The following PIEZO2 variants were observed in gnomAD, a reference collection of about 807,000 sequenced individuals.
PIEZO2 encodes piezo type mechanosensitive ion channel component 2, also known as piezo-type mechanosensitive ion channel component 2.
Under a neutral mutation model 337.3 loss-of-function variants are expected in PIEZO2, and 172 were observed. The observed-to-expected ratio is 0.51, with a 90% CI of 0.45 to 0.58. The LOEUF (loss-of-function observed/expected upper bound fraction) is 0.58, where lower values mean the gene tolerates loss of function less well. PIEZO2 is among the 20% of genes least tolerant of loss of function. The pLI is 0.00. For missense variants in PIEZO2, 3,028 were observed against 3,391.3 expected, an observed-to-expected ratio of 0.89 and a Z score of 2.66; for synonymous variants, 1,251 against 1,228.5, an observed-to-expected ratio of 1.02 and a Z score of -0.38.
In PIEZO2 at chr18:10,824,497, T is replaced by C. The variant is rs2040611491; in HGVS notation, c.918-17223A>G. 6.6e-6 allele frequency among the ~76,000 whole-genome samples: 1 copy of C among 152,222 alleles called. No homozygotes were observed. The highest frequency in any genetic ancestry group is 1.9e-4 in the East Asian group (1 of 5,202). On this transcript the variant is annotated intron_variant, in intron 7 of 55. Transcript: ENST00000674853. This position sits in a 1 kb window ranked among gnomAD's most constrained non-coding sequence, Gnocchi z 4.4. ...AGTGCAAAGCTAATAAAATTTTAAATGAACATGACAGAGAAATTTAGATTT... is the reference window on the plus strand; with the variant it reads ...AGTGCAAAGCTAATAAAATTTTAAACGAACATGACAGAGAAATTTAGATTT...
chr18:10,729,242 A>G (rs1213270044), intron 36 of PIEZO2, among the ~76,000 whole-genome samples: 1 of 152,266 alleles, frequency 6.6e-6, no homozygotes, highest in East Asian at 1.9e-4. Flanking sequence ...CTTTGTAATT[A>G]GAGTTCCATT....
At chr18:11,025,189 C>T (rs892152784) in intron 2 of PIEZO2, among the ~76,000 whole-genome samples, 5 of 152,122 alleles carry the variant, frequency 3.3e-5, no homozygotes, top group Middle Eastern at 6.8e-3. Flanking sequence ...CTTCCTCATC[C>T]GGGAAATGGA....
rs2038194894 is a variant in PIEZO2, at chr18:10,762,852, G to A, written c.3123+70C>T. ...TCAGGCCAAATGTGCTTGGGGATGG[G>A]GGTTCCCCAAGTATCTGCCTTGCTT... is the stretch of plus-strand genomic sequence containing the variant. On this transcript the variant is annotated intron_variant, in intron 22 of 55. Coordinates refer to ENST00000674853, the MANE Select transcript of PIEZO2 (RefSeq NM_001378183.1). The A allele has an allele frequency of 2.7e-6, 4 of 1,473,352 alleles. No individual in the cohort carries two copies. In the Admixed American group the frequency reaches 8.5e-5, roughly 31 times the overall value. The allele number at this position is 1,473,352 out of a possible 1,614,324, so 91.3% of individuals were successfully genotyped here.
intron 41 of PIEZO2, 124 bp from the exon 42 acceptor site, chr18:10,704,776 C>T (rs1189452944): frequency 1.5e-5 from 18 of 1,180,642 alleles, no homozygotes; most frequent in Non-Finnish European, 2.0e-5. Context: ...CCTCCGCCTC[C>T]CGAACTCAAG....
At chr18:10,709,226 G>A (rs4797465) in intron 39 of PIEZO2, 43,971 of 152,042 alleles carry the variant, frequency 0.29, 6,506 homozygotes, top group East Asian at 0.4. Flanking sequence ...ACTGCCTAAA[G>A]CCCTCATCTC....
Position 10,831,208 on chromosome 18 carries a change from C to G in PIEZO2, c.918-23934G>C, listed in dbSNP as rs80055155. On this transcript the variant is annotated intron_variant, in intron 7 of 55. Coordinates refer to ENST00000674853, the MANE Select transcript of PIEZO2 (RefSeq NM_001378183.1). The stretch of plus-strand genomic sequence containing the variant: ...CCAGAAAAAAAGGAAAGAAGTATAT[C>G]GAAGAGATCTGAACATTCATGTTTA... Among the ~76,000 whole-genome samples, 713 of 152,200 alleles carry G rather than the reference C, an allele frequency of 4.7e-3. 11 individuals carry two copies. The highest frequency in any genetic ancestry group is 0.015 in the African/African-American group (603 of 41,538).
In PIEZO2 at chr18:10,673,961, T is replaced by C. The variant is rs1021374349; in HGVS notation, c.8162-1088A>G. On this transcript the variant is annotated intron_variant, in intron 54 of 55. Coordinates refer to ENST00000674853, the MANE Select transcript of PIEZO2 (RefSeq NM_001378183.1). This position sits in a 1 kb window ranked among gnomAD's most constrained non-coding sequence, Gnocchi z 4.8. ...TTTTAAGAAAGTTTACAGATTTGTGTTGGGCCACATTCAACACTGTCCTAG... is the reference window on the plus strand; with the variant it reads ...TTTTAAGAAAGTTTACAGATTTGTGCTGGGCCACATTCAACACTGTCCTAG... Among the ~76,000 whole-genome samples, 1 of 152,190 alleles carries C rather than the reference T, an allele frequency of 6.6e-6. No homozygotes were observed. The highest frequency in any genetic ancestry group is 2.4e-5 in the African/African-American group (1 of 41,444).
chr18:10,793,574 A>G (rs2039482502), intron 13 of PIEZO2, among the ~76,000 whole-genome samples: 1 of 152,234 alleles, frequency 6.6e-6, no homozygotes, highest in African/African-American at 2.4e-5. Context: ...TTACACAGTC[A>G]AAAGAAAATA....
intron 4 of PIEZO2, among the ~76,000 whole-genome samples, chr18:10,874,678 G>T (rs1568152957): frequency 6.6e-6 from 1 of 152,078 alleles, no homozygotes; most frequent in East Asian, 1.9e-4. Context: ...CAACATGGAA[G>T]AAACTAGAGG....
At chr18:11,014,432 G>C (rs149014093) in intron 2 of PIEZO2, among the ~76,000 whole-genome samples, 1 of 148,752 alleles carries the variant, frequency 6.7e-6, no homozygotes, top group Non-Finnish European at 1.5e-5. Context: ...CAGCGATCCG[G>C]AGCCCCTCAT....
In PIEZO2 at chr18:11,143,510, T is replaced by G. The variant is rs2040714385; in HGVS notation, c.64+5015A>C. 6.6e-6 allele frequency among the ~76,000 whole-genome samples: 1 copy of G among 152,072 alleles called. No homozygotes were observed. The highest frequency in any genetic ancestry group is 2.4e-5 in the African/African-American group (1 of 41,398). On this transcript the variant is annotated intron_variant, in intron 1 of 55. Transcript: ENST00000674853. This position sits in a 1 kb window ranked among gnomAD's most constrained non-coding sequence, Gnocchi z 4.9. ...AATATGTAATTGTTCTAAATATTGT[T>G]TTTAAGTCCTATTAATCAGAAAAAT...
chr18:10,727,990 G>C lies in PIEZO2; in HGVS notation c.5029+3417C>G, dbSNP rs1227467415. 6.6e-6 allele frequency: 1 copy of C among 151,628 alleles called. No individual in the cohort carries two copies. Among genetic ancestry groups the C allele is most frequent in the Non-Finnish European group, 1.5e-5 (1 of 67,898 alleles). The allele number at this position is 151,628 out of a possible 1,614,324, so 9.4% of individuals were successfully genotyped here. On this transcript the variant is annotated intron_variant, in intron 36 of 55. Transcript: ENST00000674853. This position sits in a 1 kb window ranked among gnomAD's most constrained non-coding sequence, Gnocchi z 6.3. ...AAAGAAAAAAGAAAAAAAGGGATAA[G>C]AAGCCTGACATATAAATAGCATGAA...
chr18:11,089,183 A>G (rs1450117978), intron 1 of PIEZO2, among the ~76,000 whole-genome samples: 2 of 152,086 alleles, frequency 1.3e-5, no homozygotes, highest in East Asian at 3.9e-4. Context: ...CAATGACTAC[A>G]TTTTCCCAAA....
rs148621423 is a variant in PIEZO2, at chr18:10,829,128, C to T, written c.918-21854G>A. On this transcript the variant is annotated intron_variant, in intron 7 of 55. Transcript: ENST00000674853. ...GTGTGTAGAGAAGTCATCTTCTCGG[C>T]GATCCCTGAACTTCTCTAAAATACA... Among the ~76,000 whole-genome samples, 281 of 152,150 alleles carry T rather than the reference C, an allele frequency of 1.8e-3. 4 individuals are homozygous for T. The highest frequency in any genetic ancestry group is 6.3e-3 in the African/African-American group (262 of 41,512).
chr18:10,825,580 TTGTTTTGTCACCCAGGCTGGAGTGCAGTG>T (rs2040649462), intron 7 of PIEZO2, among the ~76,000 whole-genome samples: 4 of 141,604 alleles, frequency 2.8e-5, no homozygotes, highest in African/African-American at 1.1e-4. Flanking sequence ...AGACAGAATC[TTGTTTTGTCACCCAGGCTGGAGTGCAGTG>T]GCACAATCTC....
chr18:10,809,477 C>G (rs2040116416), intron 7 of PIEZO2, among the ~76,000 whole-genome samples: 1 of 151,616 alleles, frequency 6.6e-6, no homozygotes, highest in Non-Finnish European at 1.5e-5. Flanking sequence ...ACCATGTTGG[C>G]CAGGATGGTC....
Position 10,903,727 on chromosome 18 carries a change from G to A in PIEZO2, c.329+7459C>T, listed in dbSNP as rs2043107827. 6.6e-6 allele frequency among the ~76,000 whole-genome samples: 1 copy of A among 152,032 alleles called. No homozygotes were observed. The highest frequency in any genetic ancestry group is 1.5e-5 in the Non-Finnish European group (1 of 68,012). On this transcript the variant is annotated intron_variant, in intron 4 of 55. Transcript: ENST00000674853. The surrounding 1 kb of genome is among the most constrained non-coding windows in gnomAD (Gnocchi z 4.1). ...TTGCCTATAAGATACTTCCTGACAT[G>A]GTTTCCACTCCATACCCAGATTTCA...
chr18:10,962,618 C>A lies in PIEZO2; in HGVS notation c.286+16917G>T, dbSNP rs148807643. Among the ~76,000 whole-genome samples the A allele has an allele frequency of 5.3e-3, 803 of 152,312 alleles. 6 individuals are homozygous for A. Among genetic ancestry groups the A allele is most frequent in the African/African-American group, 0.018 (766 of 41,572 alleles). Reference sequence around the variant, plus strand: ...TGCCTCATTCAGCTGTGCTACATTGCCCCTCTTTCTTTGACTTTTCCTCTT... The same window carrying A: ...TGCCTCATTCAGCTGTGCTACATTGACCCTCTTTCTTTGACTTTTCCTCTT... On this transcript the variant is annotated intron_variant, in intron 3 of 55. Coordinates refer to ENST00000674853, the MANE Select transcript of PIEZO2 (RefSeq NM_001378183.1). This position sits in a 1 kb window ranked among gnomAD's most constrained non-coding sequence, Gnocchi z 4.1.
chr18:11,114,834 A>G (rs1033469140), intron 1 of PIEZO2, among the ~76,000 whole-genome samples: 1 of 152,166 alleles, frequency 6.6e-6, no homozygotes, highest in African/African-American at 2.4e-5. Context: ...TGAATCATCA[A>G]ATAAACACAC....
Sources: gnomAD v4.1 joint callset for allele counts (sites outside exome capture counted in the v4.1 genomes callset) on GRCh38, gnomAD v4.1.1 for gene constraint, Gnocchi (gnomAD v3.1) non-coding constraint, MANE v1.5 for transcripts, NCBI Gene and HGNC (gene_info 2026-07-23, HGNC 2026-07-21) for gene names.